Variants in TENM3 observed in about 807,000 individuals in gnomAD.
TENM3 encodes teneurin-3.
A neutral mutation model predicts 255.1 loss-of-function variants in TENM3; 63 were observed. The ratio of observed to expected loss-of-function variants is 0.25; its 90% CI spans 0.20 to 0.30. TENM3 has a LOEUF of 0.30. Ranked by LOEUF, TENM3 falls within the 10% of genes least tolerant of loss-of-function variation. The pLI is 1.00. For missense variants in TENM3, 2,929 were observed against 3,461.1 expected (o/e 0.85, Z 3.86); for synonymous variants, 1,306 against 1,322.3 (o/e 0.99, Z 0.27).
rs2152829958 is a variant in TENM3 at position 182,792,274 on chromosome 4, T to C, written c.5602T>C (p.Ser1868Pro). The C allele has an allele frequency of 1.9e-6, 3 of 1,612,908 alleles. No homozygotes were observed. Among genetic ancestry groups the C allele is most frequent in the East Asian group, 2.2e-5 (1 of 44,860 alleles). Reference protein sequence around the residue: ...KTWSYTYLEKSMVLLLHSQRQ... With the variant: ...KTWSYTYLEKPMVLLLHSQRQ... The stretch of plus-strand genomic sequence containing the variant: ...GTAACAGTATGTTCTCTCTTTACAG[T>C]CCATGGTTCTTCTGCTTCATAGCCA... The change falls in exon 26 of 28, where the codon TCC becomes CCC. Residue 1868 changes from serine to proline, a missense_variant and splice_region_variant. By Grantham distance (74) the Ser-to-Pro change is moderately conservative. Coordinates refer to ENST00000511685, the MANE Select transcript of TENM3 (RefSeq NM_001080477.4). This position sits in a 1 kb window ranked among gnomAD's most constrained non-coding sequence, Gnocchi z 6.3.
chr4:181,692,901 C>T, the TENM3 span, among the ~76,000 whole-genome samples: 1 of 152,146 alleles, frequency 6.6e-6, no homozygotes, highest in South Asian at 2.1e-4. Context: ...GCTGCCTTTG[C>T]CACAGAAGCT....
the TENM3 span, among the ~76,000 whole-genome samples, chr4:181,547,623 A>C: frequency 0.021 from 3,126 of 152,234 alleles, 96 homozygotes; most frequent in African/African-American, 0.071. Context: ...CTAGAGAGTA[A>C]AGATCATTAA....
the TENM3 span, among the ~76,000 whole-genome samples, chr4:181,654,178 A>T: frequency 4.6e-5 from 7 of 151,312 alleles, no homozygotes; most frequent in African/African-American, 1.7e-4. Flanking sequence ...ATAAAGCTCA[A>T]TCATGTCAAT....
intron 1 of TENM3, among the ~76,000 whole-genome samples, chr4:182,277,362 G>GT (rs563618667): frequency 6.6e-6 from 1 of 151,968 alleles, no homozygotes; most frequent in African/African-American, 2.4e-5. Flanking sequence ...GGGGGTTGTT[G>GT]TTTTTTTAAT....
At chr4:182,457,473 T>TATGGAAACTA (rs751888443) in intron 3 of TENM3, among the ~76,000 whole-genome samples, 19 of 145,378 alleles carry the variant, frequency 1.3e-4, no homozygotes, top group Non-Finnish European at 2.2e-4. Flanking sequence ...ATTTTAAAGA[T>TATGGAAACTA]ATGGAAACTA....
At chr4:181,563,049 C>A in the TENM3 span, among the ~76,000 whole-genome samples, 1 of 152,166 alleles carries the variant, frequency 6.6e-6, no homozygotes, top group Non-Finnish European at 1.5e-5. Context: ...ATCATATGAC[C>A]GCAACTAGCT....
the TENM3 span, among the ~76,000 whole-genome samples, chr4:181,547,011 C>T: frequency 6.6e-6 from 1 of 152,108 alleles, no homozygotes; most frequent in Non-Finnish European, 1.5e-5. Context: ...CCAGTAAGCC[C>T]TGCCCATGTG....
chr4:182,608,865 G>A (rs939661920), intron 4 of TENM3, among the ~76,000 whole-genome samples: 1 of 152,168 alleles, frequency 6.6e-6, no homozygotes, highest in African/African-American at 2.4e-5. Flanking sequence ...AAAGGAGCTC[G>A]CCCGCCAGTG....
chr4:182,734,935 A>G (rs370913935), intron 16 of TENM3, among the ~76,000 whole-genome samples: 1 of 152,192 alleles, frequency 6.6e-6, no homozygotes, highest in East Asian at 1.9e-4. Context: ...AATGTATCGG[A>G]AATTATTTTG....
At chr4:182,511,117 A>G (rs1560850790) in intron 3 of TENM3, among the ~76,000 whole-genome samples, 1 of 152,094 alleles carries the variant, frequency 6.6e-6, no homozygotes, top group African/African-American at 2.4e-5. Flanking sequence ...TCCAATACTC[A>G]TGCTGCTTGC....
chr4:182,376,106 G>A (rs1044378745), intron 3 of TENM3, among the ~76,000 whole-genome samples: 3 of 152,004 alleles, frequency 2.0e-5, no homozygotes, highest in Admixed American at 6.6e-5. Flanking sequence ...ACTCGAATTC[G>A]TCATATGTTC....
At chr4:181,891,114 T>A in the TENM3 span, among the ~76,000 whole-genome samples, 1 of 152,178 alleles carries the variant, frequency 6.6e-6, no homozygotes, top group Non-Finnish European at 1.5e-5. Context: ...TAAGATGGAT[T>A]GTTACTGGAA....
intron 5 of TENM3, among the ~76,000 whole-genome samples, chr4:182,650,889 A>AAAAAATATATATAT (rs1281790163): frequency 2.9e-3 from 85 of 29,548 alleles, no homozygotes; most frequent in Admixed American, 5.5e-3. Context: ...AATAAAAAAA[A>AAAAAATATATATAT]ATATATATAT....
In TENM3 at chr4:182,498,225, G is replaced by C. The variant is rs368282210; in HGVS notation, c.512-102699G>C. On this transcript the variant is annotated intron_variant, in intron 3 of 27. Coordinates refer to ENST00000511685, the MANE Select transcript of TENM3 (RefSeq NM_001080477.4). ...AAGACATAGGCTTCTTGGAAGGAAG[G>C]CTGACTCGTAATTTCTTTAACACCT... is the stretch of plus-strand genomic sequence containing the variant. 5.3e-5 allele frequency among the ~76,000 whole-genome samples: 8 copies of C among 152,056 alleles called. No homozygotes were observed. The East Asian group carries it at 1.2e-3, about 22-fold the overall frequency.
chr4:182,118,699 CTGCATCTATGAAAA>C, the TENM3 span, among the ~76,000 whole-genome samples: 3 of 152,084 alleles, frequency 2.0e-5, no homozygotes, highest in Non-Finnish European at 4.4e-5. Flanking sequence ...GATGTCTTTT[CTGCATCTATGAAAA>C]TGGTCATGTA....
the TENM3 span, among the ~76,000 whole-genome samples, chr4:182,017,255 T>A: frequency 6.6e-6 from 1 of 152,254 alleles, no homozygotes; most frequent in East Asian, 1.9e-4. Flanking sequence ...CTTCGCCCTG[T>A]CCTGCCAAAA....
Position 182,213,326 on chromosome 4 carries a change from A to T in TENM3, c.-76+68572A>T, listed in dbSNP as rs571880717. Among the ~76,000 whole-genome samples, 3 of 152,332 alleles carry T rather than the reference A, an allele frequency of 2.0e-5. No homozygotes were observed. The East Asian group carries it at 5.8e-4, about 29-fold the overall frequency. ...GGGGATAAAAAGCAACATTGAAAAG[A>T]AATTATGTGAATTACCATGCCACCC... On this transcript the variant is annotated intron_variant, in intron 1 of 2. Coordinates refer to the TENM3 transcript ENST00000512480.
intron 4 of TENM3, among the ~76,000 whole-genome samples, chr4:182,623,556 T>C (rs1222093437): frequency 1.3e-5 from 2 of 151,964 alleles, no homozygotes; most frequent in Non-Finnish European, 2.9e-5. Context: ...TGGTCTCGAC[T>C]CCTGAGCTTG....
the TENM3 span, among the ~76,000 whole-genome samples, chr4:182,045,165 CCTT>C: frequency 6.6e-6 from 1 of 152,144 alleles, no homozygotes; most frequent in Non-Finnish European, 1.5e-5. Flanking sequence ...TTAGTCCTGT[CCTT>C]CTGAATGAGC....
Sources: gnomAD v4.1 joint callset for allele counts (sites outside exome capture counted in the v4.1 genomes callset) on GRCh38, gnomAD v4.1.1 for gene constraint, Gnocchi (gnomAD v3.1) non-coding constraint, MANE v1.5 for transcripts, NCBI Gene and HGNC (gene_info 2026-07-23, HGNC 2026-07-21) for gene names.